BLK: variants seen among roughly 807,000 people sequenced by gnomAD.
BLK encodes tyrosine-protein kinase Blk.
A neutral mutation model predicts 61.8 loss-of-function variants in BLK; 64 were observed. The observed-to-expected ratio is 1.03, with a 90% CI of 0.85 to 1.27. The LOEUF (loss-of-function observed/expected upper bound fraction) is 1.27, where lower values mean the gene tolerates loss of function less well. Among genes scored for constraint, BLK ranks in the 50% most tolerant of loss-of-function variants. The pLI, the probability that BLK is intolerant of heterozygous loss-of-function variation, is 0.00. For missense variants in BLK, 853 were observed against 660.5 expected (o/e 1.29, Z -3.19); for synonymous variants, 351 against 272.0 (o/e 1.29, Z -2.86).
In BLK at chr8:11,564,080, C is replaced by A. The variant is rs777732510; in HGVS notation, c.1490C>A (p.Thr497Asn). 6.3e-7 allele frequency: 1 copy of A among 1,590,734 alleles called. No homozygotes were observed. Among genetic ancestry groups the A allele is most frequent in the Admixed American group, 1.7e-5 (1 of 58,362 alleles). The stretch of plus-strand genomic sequence containing the variant: ...GTGCTGGAGGACTTCTACACGGCCA[C>A]CGAGCGGCAGTACGAGCTGCAGCCC... Reference protein sequence around the residue: ...QSVLEDFYTATERQYELQP With the variant: ...QSVLEDFYTANERQYELQP Residue 497 changes from threonine to asparagine, a missense_variant, in exon 13 of 13, where the codon ACC becomes AAC. Thr to Asn is a moderately conservative substitution (Grantham distance 65). Coordinates refer to ENST00000259089, the MANE Select transcript of BLK (RefSeq NM_001715.3).
At chr8:11,514,565 C>G (rs1258909857) in intron 1 of BLK, among the ~76,000 whole-genome samples, 1 of 152,206 alleles carries the variant, frequency 6.6e-6, no homozygotes, top group Non-Finnish European at 1.5e-5. Flanking sequence ...ACAAGTGACA[C>G]AGTGCAGAGA....
intron 2 of BLK, among the ~76,000 whole-genome samples, chr8:11,545,505 C>A (rs532349633): frequency 6.6e-6 from 1 of 152,100 alleles, no homozygotes; most frequent in African/African-American, 2.4e-5. Flanking sequence ...TCCGAGATTA[C>A]GCCACTGCAC....
At chr8:11,517,229 C>T (rs753759150) in intron 1 of BLK, among the ~76,000 whole-genome samples, 29 of 152,210 alleles carry the variant, frequency 1.9e-4, no homozygotes, top group Non-Finnish European at 3.8e-4. Flanking sequence ...GATGTCCATT[C>T]CTGGCTGCCT....
At chr8:11,561,088 C>T (rs752270683) in intron 10 of BLK, 1 of 717,278 alleles carries the variant, frequency 1.4e-6, no homozygotes, top group South Asian at 1.5e-5. Flanking sequence ...CAGGTAGCCC[C>T]TGTGTCTCTG....
intron 1 of BLK, among the ~76,000 whole-genome samples, chr8:11,514,230 T>G (rs1799135977): frequency 6.6e-6 from 1 of 152,204 alleles, no homozygotes; most frequent in Admixed American, 6.5e-5. Flanking sequence ...GTTGCTCCAA[T>G]TCAGCTGAAA....
chr8:11,519,756 C>G (rs977779034), intron 1 of BLK, among the ~76,000 whole-genome samples: 11 of 152,166 alleles, frequency 7.2e-5, no homozygotes, highest in Non-Finnish European at 1.3e-4. Context: ...AGTTTGTAAA[C>G]TGTAATGTGA....
chr8:11,496,224 G>T (rs1798353530), intron 1 of BLK, among the ~76,000 whole-genome samples: 2 of 151,952 alleles, frequency 1.3e-5, no homozygotes. Flanking sequence ...GTTTTGTGGG[G>T]GTTGTTTTTC....
At chr8:11,528,847 G>A (rs1242216779) in intron 1 of BLK, among the ~76,000 whole-genome samples, 2 of 152,152 alleles carry the variant, frequency 1.3e-5, no homozygotes, top group African/African-American at 4.8e-5. Flanking sequence ...AACTAACGCA[G>A]GAACATAAAA....
intron 1 of BLK, among the ~76,000 whole-genome samples, chr8:11,514,505 C>A (rs1245312272): frequency 3.3e-5 from 5 of 152,240 alleles, no homozygotes; most frequent in African/African-American, 1.2e-4. Flanking sequence ...ACCCTTCTTG[C>A]ACGCTGAGCT....
At chr8:11,551,797 T>G (rs1800917045) in intron 6 of BLK, among the ~76,000 whole-genome samples, 1 of 152,196 alleles carries the variant, frequency 6.6e-6, no homozygotes, top group South Asian at 2.1e-4. Flanking sequence ...ACTTGACAGA[T>G]GAGGAAAGGG....
At chr8:11,499,287 G>A (rs1239543189) in intron 1 of BLK, among the ~76,000 whole-genome samples, 2 of 152,314 alleles carry the variant, frequency 1.3e-5, no homozygotes, top group East Asian at 1.9e-4. Context: ...GCCTAGGGGT[G>A]GAGTAGGCTC....
At chr8:11,530,525 T>G (rs535980478) in intron 1 of BLK, among the ~76,000 whole-genome samples, 4 of 152,368 alleles carry the variant, frequency 2.6e-5, no homozygotes, top group African/African-American at 9.6e-5. Flanking sequence ...AAACACATTC[T>G]TATTGAACTT....
intron 6 of BLK, among the ~76,000 whole-genome samples, chr8:11,553,908 C>G (rs1801045803): frequency 6.6e-6 from 1 of 152,114 alleles, no homozygotes; most frequent in Admixed American, 6.5e-5. Context: ...ACAACGAGAA[C>G]GAGGGGTCCG....
chr8:11,563,239 C>T (rs1585426342), intron 12 of BLK, 129 bp downstream of exon 12: 1 of 1,359,290 alleles, frequency 7.4e-7, no homozygotes, highest in African/African-American at 1.4e-5. Flanking sequence ...AGACGGAGAC[C>T]CAGGCATGGC....
At position 11,546,093 on chromosome 8, in the gene BLK, C is replaced by A. The variant is rs1800626516; in HGVS notation, c.165C>A (p.His55Gln). ...NHLTPPPPDE[H>Q]LDEDKHFVVA... The stretch of plus-strand genomic sequence containing the variant: ...TTACTCCTCCACCGCCCGATGAACA[C>A]CTGGATGAAGGTAAGAAGGGTGGTT... The change falls in exon 3 of 13, where the codon CAC (histidine) becomes CAA (glutamine). Residue 55 changes from histidine (H) to glutamine (Q), a missense_variant. Physicochemically the swap from His to Gln is conservative, Grantham distance 24 (BLOSUM62 0). Coordinates refer to ENST00000259089, the MANE Select transcript of BLK (RefSeq NM_001715.3). 2.5e-6 allele frequency: 4 copies of A among 1,614,180 alleles called. No individual in the cohort carries two copies. Among genetic ancestry groups the A allele is most frequent in the Non-Finnish European group, 3.4e-6 (4 of 1,180,026 alleles).
intron 1 of BLK, among the ~76,000 whole-genome samples, chr8:11,495,458 C>A (rs1798329429): frequency 2.0e-5 from 3 of 152,160 alleles, no homozygotes; most frequent in African/African-American, 7.2e-5. Context: ...CTGCAGATGC[C>A]AGCTTCACCA....
At chr8:11,533,663 G>A (rs1250022347) in intron 1 of BLK, among the ~76,000 whole-genome samples, 1 of 147,622 alleles carries the variant, frequency 6.8e-6, no homozygotes, top group Non-Finnish European at 1.5e-5. Context: ...CGGAGGGGGA[G>A]AGGGAGGGAG....
intron 1 of BLK, among the ~76,000 whole-genome samples, chr8:11,518,795 T>A (rs1451063212): frequency 2.0e-5 from 3 of 152,202 alleles, no homozygotes; most frequent in Non-Finnish European, 4.4e-5. Context: ...CATCCCTGGC[T>A]GCTCTGCTCC....
chr8:11,516,833 G>A (rs1481643368), intron 1 of BLK, among the ~76,000 whole-genome samples: 1 of 152,166 alleles, frequency 6.6e-6, no homozygotes, highest in Admixed American at 6.5e-5. Context: ...ATCTGTCCAT[G>A]GACACTGGCT....
Sources: allele counts gnomAD v4.1 joint callset (sites outside exome capture counted in the v4.1 genomes callset), GRCh38; gene constraint gnomAD v4.1.1; transcripts MANE v1.5; gene names NCBI Gene and HGNC (gene_info 2026-07-23, HGNC 2026-07-21).